Variants in DEFB1 observed in about 807,000 individuals in gnomAD.
The protein encoded by DEFB1 is beta-defensin 1.
Under a neutral mutation model 2.6 loss-of-function variants are expected in DEFB1, and 4 were observed. The ratio of observed to expected loss-of-function variants is 1.53; its 90% CI spans 0.76 to 3.51. The LOEUF (loss-of-function observed/expected upper bound fraction) is 3.51, where lower values mean the gene tolerates loss of function less well. Among genes scored for constraint, DEFB1 ranks in the 30% most tolerant of loss-of-function variants. DEFB1 has a pLI of 0.01. For missense variants in DEFB1, 162 were observed against 76.9 expected (o/e 2.11, Z -4.14); for synonymous variants, 56 against 28.5 (o/e 1.96, Z -3.07).
At chr8:6,874,537 C>CAG (rs1806446107) in intron 1 of DEFB1, among the ~76,000 whole-genome samples, 1 of 152,012 alleles carries the variant, frequency 6.6e-6, no homozygotes, top group South Asian at 2.1e-4. Context: ...TGTAGAGCGT[C>CAG]TGTAATTAAG....
At position 6,870,858 on chromosome 8, in the gene DEFB1, C is replaced by G. The variant is rs55752713; in HGVS notation, c.62-32G>C. On this transcript the variant is annotated intron_variant, in intron 1 of 1. Coordinates refer to ENST00000297439, the MANE Select transcript of DEFB1 (RefSeq NM_005218.4). Reference sequence around the variant, plus strand: ...GGAGGGAACACAAACACTTCAGACTCATGGCTTGTAGCTGCAACGATTTGA... The same window carrying G: ...GGAGGGAACACAAACACTTCAGACTGATGGCTTGTAGCTGCAACGATTTGA... The G allele has an allele frequency of 7.7e-5, 122 of 1,580,306 alleles. No homozygotes were observed. In the South Asian group the frequency reaches 1.3e-3, roughly 17 times the overall value.
At chr8:6,875,795 C>G (rs892263013) in intron 1 of DEFB1, among the ~76,000 whole-genome samples, 3 of 152,166 alleles carry the variant, frequency 2.0e-5, no homozygotes, top group African/African-American at 4.8e-5. Flanking sequence ...AGGGCACCTA[C>G]TGGCCAATAG....
At chr8:6,877,630 G>T (rs1461945390) in intron 1 of DEFB1, among the ~76,000 whole-genome samples, 167 bp downstream of exon 1, 2 of 152,218 alleles carry the variant, frequency 1.3e-5, no homozygotes, top group Non-Finnish European at 2.9e-5. Flanking sequence ...AGGCTTGGCA[G>T]GGCTTGCCTG....
chr8:6,875,375 T>C (rs5743454), intron 1 of DEFB1, among the ~76,000 whole-genome samples: 6,763 of 152,136 alleles, frequency 0.044, 247 homozygotes, highest in East Asian at 0.14. Flanking sequence ...TGTATATAAT[T>C]GACAAAAGGC....
At chr8:6,876,483 A>AG (rs1472240222) in intron 1 of DEFB1, among the ~76,000 whole-genome samples, 5 of 151,840 alleles carry the variant, frequency 3.3e-5, no homozygotes, top group African/African-American at 1.2e-4. Context: ...TCTCAAAAAA[A>AG]CAAAACAAAA....
chr8:6,876,585 C>T (rs139532769), intron 1 of DEFB1, among the ~76,000 whole-genome samples: 59 of 152,094 alleles, frequency 3.9e-4, no homozygotes, highest in African/African-American at 1.2e-3. Flanking sequence ...TGCTTGTGCC[C>T]AGGAGTTTGA....
rs558404246 is a variant in DEFB1, at chr8:6,870,726, T to A, written c.162A>T (p.Lys54Asn). 6.2e-7 allele frequency: 1 copy of A among 1,614,208 alleles called. No individual in the cohort carries two copies. Among genetic ancestry groups the A allele is most frequent in the South Asian group, 1.1e-5 (1 of 91,088 alleles). The change falls in exon 2 of 2, where the codon AAA becomes AAT. Residue 54 changes from lysine (K) to asparagine (N), a missense_variant. Physicochemically the swap from Lys to Asn is moderately conservative, Grantham distance 94. Transcript: ENST00000297439. ...TCCCTCTGTAACAGGTGCCTTGAAT[T>A]TTGGTAAAGATCGGGCAGGCAGAAT... Reference protein sequence around the residue: ...CLYSACPIFTKIQGTCYRGKA... With the variant: ...CLYSACPIFTNIQGTCYRGKA...
chr8:6,872,884 G>C (rs191095457), intron 1 of DEFB1, among the ~76,000 whole-genome samples: 3 of 152,306 alleles, frequency 2.0e-5, no homozygotes, highest in African/African-American at 4.8e-5. Context: ...GAGGCTCCCA[G>C]TGCTGGAAAG....
At chr8:6,871,179 G>T (rs55797353) in intron 1 of DEFB1, among the ~76,000 whole-genome samples, 6 of 152,188 alleles carry the variant, frequency 3.9e-5, no homozygotes, top group African/African-American at 1.4e-4. Context: ...CTGTGTTTTA[G>T]AAATGTGGAA....
chr8:6,877,521 G>A (rs985467585), intron 1 of DEFB1, among the ~76,000 whole-genome samples: 3 of 152,218 alleles, frequency 2.0e-5, no homozygotes, highest in Admixed American at 2.0e-4. Flanking sequence ...CATCCACATA[G>A]GATACTGTCT....
chr8:6,872,276 C>G (rs536807174), intron 1 of DEFB1, among the ~76,000 whole-genome samples: 51 of 152,258 alleles, frequency 3.3e-4, no homozygotes, highest in African/African-American at 1.2e-3. Flanking sequence ...CAAAGCAGCA[C>G]CATCCAATAT....
chr8:6,875,139 T>C (rs1173305492), intron 1 of DEFB1, among the ~76,000 whole-genome samples: 1 of 150,016 alleles, frequency 6.7e-6, no homozygotes, highest in Non-Finnish European at 1.5e-5. Flanking sequence ...TAAGTCTAAA[T>C]GTAAAAAGAA....
chr8:6,873,295 C>T (rs546184860), intron 1 of DEFB1, among the ~76,000 whole-genome samples: 1 of 152,248 alleles, frequency 6.6e-6, no homozygotes, highest in Non-Finnish European at 1.5e-5. Flanking sequence ...CTTCACCACA[C>T]TGCTGGTTGA....
In DEFB1 at chr8:6,870,777, G is replaced by C; in HGVS notation, c.111C>G (p.Cys37Trp). Residue 37 changes from cysteine to tryptophan, a missense_variant, in exon 2 of 2, where the codon TGC becomes TGG. Transcript: ENST00000297439. ...GLGHRSDHYN[C>W]VSSGGQCLYS... ...AGAGACATTGCCCTCCACTGCTGAC[G>C]CAATTGTAATGATCAGATCTGTGGC... is the stretch of plus-strand genomic sequence containing the variant. 4 of 1,614,208 alleles carry C rather than the reference G, an allele frequency of 2.5e-6. No individual in the cohort carries two copies. Among genetic ancestry groups the C allele is most frequent in the Non-Finnish European group, 3.4e-6 (4 of 1,180,038 alleles).
chr8:6,873,109 G>A (rs917234230), intron 1 of DEFB1, among the ~76,000 whole-genome samples: 1 of 152,198 alleles, frequency 6.6e-6, no homozygotes, highest in African/African-American at 2.4e-5. Flanking sequence ...ATTTAATATG[G>A]ATGTAGCTTT....
At chr8:6,876,415 T>C (rs993351909) in intron 1 of DEFB1, among the ~76,000 whole-genome samples, 2 of 152,054 alleles carry the variant, frequency 1.3e-5, no homozygotes, top group African/African-American at 4.8e-5. Flanking sequence ...AGGTGGAGGT[T>C]GCAGTGAGCT....
chr8:6,877,641 C>G (rs906044812), intron 1 of DEFB1, among the ~76,000 whole-genome samples, 156 bp downstream of exon 1: 1 of 152,228 alleles, frequency 6.6e-6, no homozygotes, highest in Non-Finnish European at 1.5e-5. Context: ...GGCTTGCCTG[C>G]TGCCTTCTGC....
At chr8:6,875,508 A>G (rs1806491027) in intron 1 of DEFB1, among the ~76,000 whole-genome samples, 1 of 152,246 alleles carries the variant, frequency 6.6e-6, no homozygotes, top group African/African-American at 2.4e-5. Context: ...GTAACTATGT[A>G]TAAAAGGGCC....
intron 1 of DEFB1, among the ~76,000 whole-genome samples, chr8:6,874,437 T>C (rs1022002898): frequency 5.9e-5 from 9 of 152,220 alleles, no homozygotes; most frequent in African/African-American, 2.2e-4. Context: ...TGATTCTAAA[T>C]TTTATTTGGA....
Sources: gnomAD v4.1 joint callset for allele counts (sites outside exome capture counted in the v4.1 genomes callset) on GRCh38, gnomAD v4.1.1 for gene constraint, MANE v1.5 for transcripts, NCBI Gene and HGNC (gene_info 2026-07-23, HGNC 2026-07-21) for gene names.